ZIM2: variants seen among roughly 807,000 people sequenced by gnomAD.
The protein encoded by ZIM2 is zinc finger imprinted 2.
A neutral mutation model predicts 38.6 loss-of-function variants in ZIM2; 14 were observed. That is an observed-to-expected ratio of 0.36 (90% CI 0.24 to 0.57). ZIM2 has a LOEUF of 0.57. ZIM2 is among the 20% of genes least tolerant of loss of function. ZIM2 has a pLI of 0.81. For missense variants in ZIM2, 680 were observed against 695.1 expected, an observed-to-expected ratio of 0.98 and a Z score of 0.24; for synonymous variants, 247 against 245.8, an observed-to-expected ratio of 1.00 and a Z score of -0.04.
intron 1 of ZIM2, among the ~76,000 whole-genome samples, chr19:56,837,956 G>C (rs2062376945): frequency 6.6e-6 from 1 of 152,196 alleles, no homozygotes; most frequent in Non-Finnish European, 1.5e-5. Context: ...TGCTCTATCA[G>C]ACAAGACACA....
chr19:56,775,264 G>A lies in ZIM2; in HGVS notation c.1101C>T (p.Thr367=), dbSNP rs1476709770. The change falls in exon 13 of 13, where the codon ACC becomes ACT. Residue 367 remains threonine (T), a synonymous_variant. Transcript: ENST00000629319. ...KHNRCEFCKR[T]FSTQVALRRH... is the part of the protein sequence containing the mutation. ...TCCTAAGGGCTACTTGCGTACTAAA[G>A]GTTCGTTTGCAAAATTCACATCTGT... is the stretch of plus-strand genomic sequence containing the variant. 1.2e-6 allele frequency: 2 copies of A among 1,614,122 alleles called. No homozygotes were observed. Among genetic ancestry groups the A allele is most frequent in the Non-Finnish European group, 1.7e-6 (2 of 1,180,010 alleles).
chr19:56,819,566 A>G (rs2146262180), intron 7 of ZIM2, among the ~76,000 whole-genome samples: 1 of 152,316 alleles, frequency 6.6e-6, no homozygotes, highest in South Asian at 2.1e-4. Context: ...GGAAGCCCAC[A>G]GGCTTTGGAG....
At chr19:56,811,544 G>A (rs944015664) in intron 9 of ZIM2, 24 of 985,282 alleles carry the variant, frequency 2.4e-5, no homozygotes, top group Non-Finnish European at 2.9e-5. Flanking sequence ...TTCACTAGCT[G>A]AAGGTTGGAA....
At chr19:56,803,382 T>A (rs2047615086) in intron 9 of ZIM2, among the ~76,000 whole-genome samples, 1 of 152,188 alleles carries the variant, frequency 6.6e-6, no homozygotes, top group South Asian at 2.1e-4. Flanking sequence ...GGAGCAGCTA[T>A]CTGCAAGAGG....
chr19:56,825,460 T>C (rs2060928240), intron 3 of ZIM2, among the ~76,000 whole-genome samples: 1 of 152,240 alleles, frequency 6.6e-6, no homozygotes, highest in Non-Finnish European at 1.5e-5. Flanking sequence ...TTTCTTACTG[T>C]TTCTTTACTT....
chr19:56,824,403 T>A lies in ZIM2; in HGVS notation c.-126A>T. 2 of 1,614,110 alleles carry A rather than the reference T, an allele frequency of 1.2e-6. No homozygotes were observed. Among genetic ancestry groups the A allele is most frequent in the Non-Finnish European group, 1.7e-6 (2 of 1,180,022 alleles). ...TGCTCAAGGACCAAGAGCTCGATGATCTCCTCCTTGGTGCGGGTCTCCGGC... is the reference window on the plus strand; with the variant it reads ...TGCTCAAGGACCAAGAGCTCGATGAACTCCTCCTTGGTGCGGGTCTCCGGC... On this transcript the variant is annotated 5_prime_UTR_variant, in exon 4 of 13. Transcript: ENST00000629319.
At chr19:56,826,731 T>C (rs567632051) in intron 2 of ZIM2, among the ~76,000 whole-genome samples, 28 of 152,190 alleles carry the variant, frequency 1.8e-4, no homozygotes, top group Non-Finnish European at 3.8e-4. Flanking sequence ...CCAAAACTCA[T>C]GAAAGCAGAA....
chr19:56,811,570 AC>A, intron 9 of ZIM2: 2 of 985,294 alleles, frequency 2.0e-6, no homozygotes, highest in Non-Finnish European at 2.4e-6. Context: ...ACCCTGACTT[AC>A]AGCAAGTTGC....
intron 12 of ZIM2, among the ~76,000 whole-genome samples, chr19:56,776,114 A>G (rs112696677): frequency 0.4 from 58,727 of 148,130 alleles, 12,506 homozygotes; most frequent in South Asian, 0.49. Context: ...AAAAAAAAAA[A>G]AAAAAAAAGG....
intron 9 of ZIM2, among the ~76,000 whole-genome samples, chr19:56,808,879 A>G (rs527836314): frequency 6.6e-5 from 10 of 152,074 alleles, no homozygotes; most frequent in Non-Finnish European, 1.3e-4. Context: ...TTTATTCACA[A>G]GTATACCCAG....
intron 10 of ZIM2, among the ~76,000 whole-genome samples, chr19:56,789,129 C>G (rs2046789963): frequency 6.6e-6 from 1 of 151,938 alleles, no homozygotes; most frequent in African/African-American, 2.4e-5. Flanking sequence ...GGATAAACAA[C>G]AGTTTTTTAC....
At chr19:56,782,699 C>A (rs1010062894) in intron 10 of ZIM2, among the ~76,000 whole-genome samples, 2 of 151,946 alleles carry the variant, frequency 1.3e-5, no homozygotes, top group Non-Finnish European at 2.9e-5. Context: ...CACTTTTGAT[C>A]CAGAAATTCT....
intron 10 of ZIM2, among the ~76,000 whole-genome samples, chr19:56,789,026 G>A (rs1019087569): frequency 1.3e-5 from 2 of 151,616 alleles, no homozygotes; most frequent in African/African-American, 4.8e-5. Context: ...CTCTAAACTG[G>A]TTATTCTAGT....
At chr19:56,813,898 G>A (rs375169573) in intron 9 of ZIM2, 20 of 1,614,208 alleles carry the variant, frequency 1.2e-5, no homozygotes, top group Non-Finnish European at 1.7e-5. Flanking sequence ...TGTGCTGGAA[G>A]TGAAGGTTTC....
At chr19:56,781,389 G>A (rs940060071) in intron 11 of ZIM2, among the ~76,000 whole-genome samples, 14 of 152,162 alleles carry the variant, frequency 9.2e-5, no homozygotes, top group East Asian at 7.7e-4. Flanking sequence ...GCCTCCGCAC[G>A]TAAAGAGAGA....
chr19:56,812,303 C>T lies in ZIM2; in HGVS notation c.490+5443G>A, dbSNP rs994888085. ...TAAAAGAATACTAAGATTAGATGAACACAACACTCAGAAATACTCTAGGAG... is the reference window on the plus strand; with the variant it reads ...TAAAAGAATACTAAGATTAGATGAATACAACACTCAGAAATACTCTAGGAG... On this transcript the variant is annotated intron_variant, in intron 9 of 12. Transcript: ENST00000629319. 9.2e-6 allele frequency: 9 copies of T among 981,984 alleles called. No homozygotes were observed. In the African/African-American group the frequency reaches 1.4e-4, roughly 15 times the overall value. The allele number at this position is 981,984 out of a possible 1,614,324, so 60.8% of individuals were successfully genotyped here.
chr19:56,792,030 T>G, intron 9 of ZIM2, among the ~76,000 whole-genome samples: 1 of 151,894 alleles, frequency 6.6e-6, no homozygotes, highest in South Asian at 2.1e-4. Context: ...AGGAGTTTTT[T>G]TTTTTTTTTT....
intron 9 of ZIM2, among the ~76,000 whole-genome samples, chr19:56,800,098 A>G (rs980739792): frequency 6.6e-6 from 1 of 152,206 alleles, no homozygotes; most frequent in Non-Finnish European, 1.5e-5. Context: ...TTGTATATTA[A>G]TAGAGATTTG....
chr19:56,812,079 T>C (rs1051626953), intron 9 of ZIM2: 7 of 971,126 alleles, frequency 7.2e-6, no homozygotes, highest in African/African-American at 1.9e-5. Flanking sequence ...TTAATTTTGC[T>C]TGTTCAAATG....
Sources: allele counts gnomAD v4.1 joint callset (sites outside exome capture counted in the v4.1 genomes callset), GRCh38; gene constraint gnomAD v4.1.1; transcripts MANE v1.5; gene names NCBI Gene and HGNC (gene_info 2026-07-23, HGNC 2026-07-21).